The following DDAH1 variants were observed in gnomAD, a reference collection of about 807,000 sequenced individuals.
The protein encoded by DDAH1 is N(G),N(G)-dimethylarginine dimethylaminohydrolase 1.
A neutral mutation model predicts 28.8 loss-of-function variants in DDAH1; 19 were observed. The ratio of observed to expected loss-of-function variants is 0.66; its 90% CI spans 0.46 to 0.97. The LOEUF (loss-of-function observed/expected upper bound fraction) is 0.97. Ranked by LOEUF, DDAH1 falls within the 50% of genes least tolerant of loss-of-function variation. DDAH1 has a pLI of 0.00. For synonymous variants in DDAH1, 153 were observed against 154.4 expected (o/e 0.99, Z 0.07); for missense variants, 326 against 375.9 (o/e 0.87, Z 1.10).
intron 1 of DDAH1, among the ~76,000 whole-genome samples, chr1:85,526,233 G>A (rs1282363977): frequency 6.6e-6 from 1 of 152,156 alleles, no homozygotes; most frequent in East Asian, 1.9e-4. Flanking sequence ...AGAGAGACGA[G>A]GAGAGAAAAA....
intron 4 of DDAH1, among the ~76,000 whole-genome samples, chr1:85,349,186 C>T (rs1194999528): frequency 3.9e-5 from 6 of 152,092 alleles, no homozygotes; most frequent in South Asian, 2.1e-4. Context: ...CTAAAGTAAA[C>T]GAACAAAAGC....
intron 1 of DDAH1, among the ~76,000 whole-genome samples, chr1:85,511,915 G>C (rs1213102617): frequency 6.6e-6 from 1 of 152,120 alleles, no homozygotes; most frequent in African/African-American, 2.4e-5. Flanking sequence ...AATTCTACCA[G>C]AGGTACAAAG....
At chr1:85,520,716 C>A (rs1303254640) in intron 1 of DDAH1, among the ~76,000 whole-genome samples, 1 of 152,168 alleles carries the variant, frequency 6.6e-6, no homozygotes, top group African/African-American at 2.4e-5. Context: ...AAAGAAGGGA[C>A]CTCATTACTG....
At chr1:85,511,899 C>T (rs926575938) in intron 1 of DDAH1, among the ~76,000 whole-genome samples, 6 of 152,188 alleles carry the variant, frequency 3.9e-5, no homozygotes, top group Non-Finnish European at 1.5e-5. Context: ...GATGGATTCA[C>T]AGCCGAATTC....
At chr1:85,334,302 A>C (rs1647970882) in intron 4 of DDAH1, among the ~76,000 whole-genome samples, 1 of 151,922 alleles carries the variant, frequency 6.6e-6, no homozygotes, top group Non-Finnish European at 1.5e-5. Flanking sequence ...AGTCAATTAA[A>C]CCTCTTTCCT....
intron 1 of DDAH1, among the ~76,000 whole-genome samples, chr1:85,424,082 A>G (rs187902933): frequency 1.3e-5 from 2 of 152,264 alleles, no homozygotes; most frequent in African/African-American, 4.8e-5. Context: ...TTCATTGTGT[A>G]TAATTTTTTT....
At chr1:85,538,831 G>T (rs1182697746) in intron 1 of DDAH1, among the ~76,000 whole-genome samples, 1 of 152,206 alleles carries the variant, frequency 6.6e-6, no homozygotes, top group Admixed American at 6.5e-5. Context: ...GCTCACAAAT[G>T]TGTGCCTGCG....
At chr1:85,341,799 C>A (rs950270158) in intron 4 of DDAH1, among the ~76,000 whole-genome samples, 1 of 151,690 alleles carries the variant, frequency 6.6e-6, no homozygotes, top group Non-Finnish European at 1.5e-5. Context: ...GGTGACAGAG[C>A]GAGACTCTGT....
At chr1:85,340,165 T>G (rs757808945) in intron 4 of DDAH1, among the ~76,000 whole-genome samples, 1 of 152,122 alleles carries the variant, frequency 6.6e-6, no homozygotes, top group Admixed American at 6.5e-5. Flanking sequence ...CTGCTGCCAA[T>G]GGAAACTGAA....
At chr1:85,427,293 G>A (rs1225620582) in intron 1 of DDAH1, among the ~76,000 whole-genome samples, 1 of 148,982 alleles carries the variant, frequency 6.7e-6, no homozygotes, top group African/African-American at 2.5e-5. Context: ...AAAAAAAAGT[G>A]GGAGACAATG....
chr1:85,473,283 T>C (rs748920764), intron 2 of DDAH1, among the ~76,000 whole-genome samples: 1 of 152,172 alleles, frequency 6.6e-6, no homozygotes, highest in Non-Finnish European at 1.5e-5. Context: ...AACTTTTATA[T>C]TAGCTATTTT....
chr1:85,351,490 A>G lies in DDAH1; in HGVS notation c.477+16T>C. ...AGTAATTGCTTTGTGCCAGGCATAAACTACCTTTTACCTACCTTAAAAGTA... is the reference window on the plus strand; with the variant it reads ...AGTAATTGCTTTGTGCCAGGCATAAGCTACCTTTTACCTACCTTAAAAGTA... On this transcript the variant is annotated intron_variant, in intron 3 of 5. Transcript: ENST00000284031. The G allele has an allele frequency of 6.2e-7, 1 of 1,610,090 alleles. No individual in the cohort carries two copies. Among genetic ancestry groups the G allele is most frequent in the Non-Finnish European group, 8.5e-7 (1 of 1,176,438 alleles).
intron 1 of DDAH1, among the ~76,000 whole-genome samples, chr1:85,381,425 G>A (rs1650982999): frequency 6.6e-6 from 1 of 151,422 alleles, no homozygotes; most frequent in African/African-American, 2.4e-5. Context: ...TTATTTCTGA[G>A]ATTTTGGTGC....
intron 1 of DDAH1, among the ~76,000 whole-genome samples, chr1:85,548,627 G>A (rs539200992): frequency 4.7e-4 from 71 of 152,294 alleles, no homozygotes; most frequent in Non-Finnish European, 8.7e-4. Context: ...GTGCTCAGAA[G>A]TAAGGGATTC....
At chr1:85,409,277 A>C (rs80164976) in intron 1 of DDAH1, among the ~76,000 whole-genome samples, 6,976 of 152,220 alleles carry the variant, frequency 0.046, 265 homozygotes, top group South Asian at 0.18. Context: ...TCTGGTGTGA[A>C]CTATTGCAGG....
chr1:85,375,410 C>T (rs996589666), intron 1 of DDAH1, among the ~76,000 whole-genome samples: 6 of 152,092 alleles, frequency 3.9e-5, no homozygotes, highest in African/African-American at 1.4e-4. Flanking sequence ...ACACTGACTA[C>T]ATGCCATGTA....
At chr1:85,359,461 C>A (rs766151289) in intron 1 of DDAH1, among the ~76,000 whole-genome samples, 6 of 152,080 alleles carry the variant, frequency 3.9e-5, no homozygotes, top group Non-Finnish European at 8.8e-5. Flanking sequence ...ATTATCCTAC[C>A]CTTGCCAGGA....
In DDAH1 at chr1:85,417,641, A is replaced by G. The variant is rs1437461181; in HGVS notation, c.303+47102T>C. On this transcript the variant is annotated intron_variant, in intron 1 of 5. Transcript: ENST00000284031. ...AAAAGCCTTAAAAATATTTCTCTTT[A>G]TCAATCTTAATACATATAACTCTCC... Among the ~76,000 whole-genome samples the G allele has an allele frequency of 3.3e-5, 5 of 152,224 alleles. No individual in the cohort carries two copies. In the South Asian group the frequency reaches 1.0e-3, roughly 32 times the overall value.
rs79691072 is a variant in DDAH1 at position 85,362,763 on chromosome 1, C to T, written c.304-3916G>A. 3.1e-3 allele frequency among the ~76,000 whole-genome samples: 474 copies of T among 152,300 alleles called. 3 individuals carry two copies. Among genetic ancestry groups the T allele is most frequent in the African/African-American group, 0.011 (449 of 41,568 alleles). ...CTAGCTCAGTGCCTGGCATATTGTG[C>T]TCAAAACTAGTAGTTGATGATATTA... is the stretch of plus-strand genomic sequence containing the variant. On this transcript the variant is annotated intron_variant, in intron 1 of 5. Transcript: ENST00000284031.
Sources: allele counts gnomAD v4.1 joint callset (sites outside exome capture counted in the v4.1 genomes callset), GRCh38; gene constraint gnomAD v4.1.1; transcripts MANE v1.5; gene names NCBI Gene and HGNC (gene_info 2026-07-23, HGNC 2026-07-21).